Variants in CTNNA2 observed in about 807,000 individuals in gnomAD.
CTNNA2 encodes catenin alpha-2.
CTNNA2 carries 42 observed loss-of-function variants against 101.0 expected under a neutral mutation model. The observed-to-expected ratio is 0.42, with a 90% confidence interval of 0.32 to 0.54. CTNNA2 has a LOEUF of 0.54. CTNNA2 is among the 20% of genes least tolerant of loss of function. CTNNA2 has a pLI of 0.14. For missense variants in CTNNA2, 871 were observed against 1,223.1 expected (o/e 0.71, Z 4.29); for synonymous variants, 450 against 456.4 (o/e 0.99, Z 0.18).
At chr2:80,521,576 A>C (rs937300664) in intron 9 of CTNNA2, among the ~76,000 whole-genome samples, 1 of 152,136 alleles carries the variant, frequency 6.6e-6, no homozygotes, top group African/African-American at 2.4e-5. Flanking sequence ...TGAAAGAGGG[A>C]GGCAGGAGAG....
chr2:79,868,693 A>G (rs376782986), intron 4 of CTNNA2, among the ~76,000 whole-genome samples: 1 of 152,228 alleles, frequency 6.6e-6, no homozygotes, highest in African/African-American at 2.4e-5. Context: ...ATTCTGCCCA[A>G]GTATTTTTTG....
At chr2:79,432,255 G>C (rs1573163219) in intron 4 of CTNNA2, among the ~76,000 whole-genome samples, 1 of 152,152 alleles carries the variant, frequency 6.6e-6, no homozygotes, top group East Asian at 1.9e-4. Context: ...CTACAGTACA[G>C]TATGTATGGT....
chr2:80,182,893 G>A (rs1051354425), intron 7 of CTNNA2, among the ~76,000 whole-genome samples: 1 of 152,198 alleles, frequency 6.6e-6, no homozygotes, highest in African/African-American at 2.4e-5. Context: ...ACAAGGGCAA[G>A]GCGTTGACCC....
intron 7 of CTNNA2, among the ~76,000 whole-genome samples, chr2:80,377,306 A>T (rs1279956439): frequency 6.6e-6 from 1 of 152,230 alleles, no homozygotes; most frequent in African/African-American, 2.4e-5. Flanking sequence ...TTCCTTAGGA[A>T]GCTTACTATC....
In CTNNA2 at chr2:80,351,683, C is replaced by T. The variant is rs550608467; in HGVS notation, c.1057-41528C>T. On this transcript the variant is annotated intron_variant, in intron 7 of 18. Coordinates refer to ENST00000402739, the MANE Select transcript of CTNNA2 (RefSeq NM_001282597.3). ...TTAATTTCACATTTGAGAGTTGCTG[C>T]GGTACTTTGAAAATAACTAAAATCG... 3.3e-5 allele frequency among the ~76,000 whole-genome samples: 5 copies of T among 152,168 alleles called. No individual in the cohort carries two copies. The South Asian group carries it at 8.3e-4, about 25-fold the overall frequency.
At chr2:79,392,191 C>T (rs548044180) in intron 4 of CTNNA2, among the ~76,000 whole-genome samples, 15 of 152,244 alleles carry the variant, frequency 9.9e-5, no homozygotes, top group African/African-American at 3.1e-4. Context: ...AGGTTTTGGC[C>T]AAGGTGATGG....
intron 3 of CTNNA2, among the ~76,000 whole-genome samples, chr2:79,786,641 C>T (rs1184260360): frequency 1.3e-5 from 2 of 152,086 alleles, no homozygotes; most frequent in African/African-American, 4.8e-5. Flanking sequence ...TAAGATTTAC[C>T]TGTCTTTACA....
chr2:79,419,034 G>C (rs1678512193), intron 4 of CTNNA2, among the ~76,000 whole-genome samples: 1 of 149,796 alleles, frequency 6.7e-6, no homozygotes, highest in South Asian at 2.1e-4. Flanking sequence ...ACTCCTTTTG[G>C]AGCAGGAAGG....
At chr2:79,533,427 G>C (rs1672863593) in intron 1 of CTNNA2, among the ~76,000 whole-genome samples, 1 of 152,180 alleles carries the variant, frequency 6.6e-6, no homozygotes, top group African/African-American at 2.4e-5. Flanking sequence ...GTAGTTTATA[G>C]AAGTTTTGGT....
chr2:80,533,081 A>T (rs903075016), intron 9 of CTNNA2, among the ~76,000 whole-genome samples: 6 of 152,218 alleles, frequency 3.9e-5, no homozygotes, highest in Non-Finnish European at 8.8e-5. Flanking sequence ...TTGAAGATAC[A>T]TGATAGCTAT....
At chr2:80,211,762 T>C (rs766373160) in intron 7 of CTNNA2, among the ~76,000 whole-genome samples, 7 of 152,198 alleles carry the variant, frequency 4.6e-5, no homozygotes, top group South Asian at 2.1e-4. Context: ...AAGAAAGTCA[T>C]TGGTAGCTTG....
chr2:79,976,655 T>A (rs1690865518), intron 7 of CTNNA2, among the ~76,000 whole-genome samples: 1 of 152,218 alleles, frequency 6.6e-6, no homozygotes, highest in Non-Finnish European at 1.5e-5. Context: ...CACAGTGACC[T>A]GAAAGGTATA....
At chr2:79,682,403 T>A (rs1573663995) in intron 2 of CTNNA2, among the ~76,000 whole-genome samples, 1 of 80,164 alleles carries the variant, frequency 1.2e-5, no homozygotes, top group African/African-American at 5.0e-5. Flanking sequence ...AGAGCGAAAC[T>A]CCATCTCAAA....
At chr2:79,903,471 AT>A (rs1685210266) in intron 6 of CTNNA2, among the ~76,000 whole-genome samples, 1 of 152,118 alleles carries the variant, frequency 6.6e-6, no homozygotes, top group Non-Finnish European at 1.5e-5. Flanking sequence ...GTGTTCTCAA[AT>A]TGAAAACTTT....
intron 4 of CTNNA2, among the ~76,000 whole-genome samples, chr2:79,490,608 AAG>A (rs1302342953): frequency 2.0e-5 from 3 of 152,218 alleles, no homozygotes. Context: ...TGTTTCAAGA[AAG>A]AGTTATTACA....
chr2:80,560,443 G>T (rs2149672287), intron 12 of CTNNA2, among the ~76,000 whole-genome samples: 1 of 152,172 alleles, frequency 6.6e-6, no homozygotes, highest in Middle Eastern at 3.4e-3. Context: ...CTGGGACTTG[G>T]GTTTTTTCCT....
At chr2:80,123,895 G>A (rs754349780) in intron 7 of CTNNA2, among the ~76,000 whole-genome samples, 1 of 152,096 alleles carries the variant, frequency 6.6e-6, no homozygotes, top group African/African-American at 2.4e-5. Flanking sequence ...TTGTCTGAGG[G>A]AAAACAGGGT....
At chr2:79,262,279 A>G (rs1484915909) in intron 2 of CTNNA2, among the ~76,000 whole-genome samples, 2 of 152,216 alleles carry the variant, frequency 1.3e-5, no homozygotes, top group East Asian at 3.9e-4. Flanking sequence ...AAGTGTTTTT[A>G]AAAACCCTTT....
chr2:79,381,325 C>G (rs545301972), intron 4 of CTNNA2, among the ~76,000 whole-genome samples: 2 of 152,226 alleles, frequency 1.3e-5, no homozygotes, highest in Non-Finnish European at 1.5e-5. Context: ...GTCAAATCTC[C>G]TAGGTTTCAG....
Sources: allele counts gnomAD v4.1 joint callset (sites outside exome capture counted in the v4.1 genomes callset), GRCh38; gene constraint gnomAD v4.1.1; transcripts MANE v1.5; gene names NCBI Gene and HGNC (gene_info 2026-07-23, HGNC 2026-07-21).